Variants in ESCO1 observed in about 807,000 individuals in gnomAD.
ESCO1 encodes N-acetyltransferase ESCO1.
ESCO1 carries 33 observed loss-of-function variants against 83.5 expected under a neutral mutation model. The observed-to-expected ratio is 0.40, with a 90% CI of 0.30 to 0.53. The LOEUF (loss-of-function observed/expected upper bound fraction) is 0.53, where lower values mean the gene tolerates loss of function less well. Ranked by LOEUF, ESCO1 falls within the 20% of genes least tolerant of loss-of-function variation. ESCO1 has a pLI of 0.63. For missense variants in ESCO1, 855 were observed against 968.0 expected (o/e 0.88, Z 1.55); for synonymous variants, 332 against 324.3 (o/e 1.02, Z -0.25).
At chr18:21,562,407 C>G (rs2146199667) in intron 7 of ESCO1, among the ~76,000 whole-genome samples, 1 of 151,352 alleles carries the variant, frequency 6.6e-6, no homozygotes, top group Admixed American at 6.6e-5. Flanking sequence ...ACCTGGGAAG[C>G]AGAGGTTGCA....
At position 21,529,432 on chromosome 18, in the gene ESCO1, C is replaced by G. The variant is rs2037738929; in HGVS notation, c.*911G>C. On this transcript the variant is annotated 3_prime_UTR_variant, in exon 12 of 12. Coordinates refer to ENST00000269214, the MANE Select transcript of ESCO1 (RefSeq NM_052911.3). ...GGCACTATGAAGGATAGACAAGTATCAAAATGAAGTCCAGTAATGAGGGCA... is the reference window on the plus strand; with the variant it reads ...GGCACTATGAAGGATAGACAAGTATGAAAATGAAGTCCAGTAATGAGGGCA... The G allele has an allele frequency of 6.6e-6, 1 of 152,224 alleles. No individual in the cohort carries two copies. Among genetic ancestry groups the G allele is most frequent in the Admixed American group, 6.6e-5 (1 of 15,262 alleles). The allele number at this position is 152,224 out of a possible 1,614,324, so 9.4% of individuals were successfully genotyped here.
At chr18:21,563,097 C>T (rs998346788) in intron 7 of ESCO1, among the ~76,000 whole-genome samples, 6 of 151,818 alleles carry the variant, frequency 4.0e-5, no homozygotes, top group Non-Finnish European at 8.8e-5. Context: ...TCTTGAACTC[C>T]CACCCTCAGG....
chr18:21,535,944 T>C, intron 10 of ESCO1, 98 bp downstream of exon 10: 1 of 1,442,288 alleles, frequency 6.9e-7, no homozygotes, highest in Non-Finnish European at 9.4e-7. Flanking sequence ...GATCTTTACA[T>C]GAAATGGAGA....
At chr18:21,549,622 T>C (rs1458959702) in intron 8 of ESCO1, among the ~76,000 whole-genome samples, 2 of 151,888 alleles carry the variant, frequency 1.3e-5, no homozygotes, top group East Asian at 3.9e-4. Flanking sequence ...ACCATGTTGG[T>C]CCGGTTGGTT....
intron 1 of ESCO1, among the ~76,000 whole-genome samples, chr18:21,595,396 G>A (rs1332982672): frequency 1.3e-5 from 2 of 148,384 alleles, no homozygotes; most frequent in African/African-American, 5.0e-5. Flanking sequence ...AGGGGCCGGC[G>A]CTGTGGTTCA....
At chr18:21,564,452 G>GTGATTT in intron 6 of ESCO1, 135 bp from the exon 7 acceptor site, 2 of 566,182 alleles carry the variant, frequency 3.5e-6, no homozygotes, top group Non-Finnish European at 6.0e-6. Flanking sequence ...GTGCAGTGGC[G>GTGATTT]CAATCTTGGC....
chr18:21,575,840 C>T (rs1598472076), intron 2 of ESCO1, 63 bp from the exon 3 acceptor site: 8 of 395,392 alleles, frequency 2.0e-5, no homozygotes, highest in African/African-American at 6.2e-5. Flanking sequence ...ATCATCCATT[C>T]GGCTCTCATC....
At position 21,573,732 on chromosome 18, in the gene ESCO1, G is replaced by C; in HGVS notation, c.1112C>G (p.Thr371Arg). The change falls in exon 4 of 12, where the codon ACA becomes AGA. Residue 371 changes from threonine to arginine, a missense_variant. This residue lies in a region of ESCO1 where 726 missense variants were observed against 699.5 expected (regional missense o/e 1.04). Coordinates refer to ENST00000269214, the MANE Select transcript of ESCO1 (RefSeq NM_052911.3). ...QCNRFFPSRKTKPVKCILNGI... is the reference protein window; with the variant it reads ...QCNRFFPSRKRKPVKCILNGI... ...ATTTAGTATACATTTCACAGGCTTT[G>C]TTTTTCTACTTGGGAAAAAACGATT... 1 of 1,614,020 alleles carries C rather than the reference G, an allele frequency of 6.2e-7. No individual in the cohort carries two copies. The highest frequency in any genetic ancestry group is 8.5e-7 in the Non-Finnish European group (1 of 1,179,966).
intron 8 of ESCO1, among the ~76,000 whole-genome samples, chr18:21,559,950 A>G (rs1885907843): frequency 6.6e-6 from 1 of 152,142 alleles, no homozygotes; most frequent in Non-Finnish European, 1.5e-5. Flanking sequence ...AAACCCTTCA[A>G]CCGAAGGTAA....
intron 1 of ESCO1, chr18:21,596,859 G>A (rs2038775283): frequency 6.6e-6 from 1 of 151,986 alleles, no homozygotes; most frequent in South Asian, 2.1e-4. Flanking sequence ...GTTACTCCTG[G>A]CTTCGCTTAA....
At chr18:21,538,552 C>A (rs751725576) in intron 9 of ESCO1, among the ~76,000 whole-genome samples, 2 of 152,034 alleles carry the variant, frequency 1.3e-5, no homozygotes, top group African/African-American at 4.8e-5. Context: ...ATTGTCCATT[C>A]GGATAAACAG....
chr18:21,594,573 G>A (rs1461624142), intron 1 of ESCO1, among the ~76,000 whole-genome samples: 1 of 152,036 alleles, frequency 6.6e-6, no homozygotes, highest in Non-Finnish European at 1.5e-5. Context: ...GCGTGGTGGT[G>A]GGCGCCTGTA....
In ESCO1 at chr18:21,532,978, C is replaced by G. The variant is rs150937386; in HGVS notation, c.2188-318G>C. Among the ~76,000 whole-genome samples, 85 of 152,208 alleles carry G rather than the reference C, an allele frequency of 5.6e-4. 1 individual carries two copies. The East Asian group carries it at 0.015, about 28-fold the overall frequency. The stretch of plus-strand genomic sequence containing the variant: ...TACCTTGCCATCATGAGGAGCCCCC[C>G]CAATAGGAACTGAACATTAGTTCTC... On this transcript the variant is annotated intron_variant, in intron 10 of 11. Transcript: ENST00000269214.
rs963949270 is a variant in ESCO1 at position 21,567,480 on chromosome 18, TAA to T, written c.1645+498_1645+499del. ...ACGACCGGCCCAAATAATGTGTTATTAAAAAAAAAAAAGTTCACAAGGTTCCA... is the reference window on the plus strand; with the variant it reads ...ACGACCGGCCCAAATAATGTGTTATTAAAAAAAAAAGTTCACAAGGTTCCA... On this transcript the variant is annotated intron_variant, in intron 5 of 11. Coordinates refer to ENST00000269214, the MANE Select transcript of ESCO1 (RefSeq NM_052911.3). Among the ~76,000 whole-genome samples, 11 of 144,558 alleles carry T rather than the reference TAA, an allele frequency of 7.6e-5. No individual in the cohort carries two copies. The East Asian group carries it at 2.2e-3, about 29-fold the overall frequency. 94.8% of individuals were successfully genotyped at this position (144,558 alleles called of 152,430 possible). A position where few individuals can be genotyped will look rare whatever the true frequency, so the allele number is the denominator to read the frequency against.
rs1368499543 is a variant in ESCO1 at position 21,574,042 on chromosome 18, T to G, written c.802A>C (p.Thr268Pro). 1.2e-6 allele frequency: 2 copies of G among 1,613,006 alleles called. No homozygotes were observed. Among genetic ancestry groups the G allele is most frequent in the African/African-American group, 1.3e-5 (1 of 75,022 alleles). ...KKNEMKKSVH[T>P]QVNTNTTLPK... ...AGTGTTGTGTTAGTATTCACTTGTG[T>G]ATGAACCGACTTCTTCATCTCATTC... The change falls in exon 4 of 12, where the codon ACA becomes CCA. Residue 268 changes from threonine to proline, a missense_variant. Physicochemically the swap from Thr to Pro is conservative, Grantham distance 38. Coordinates refer to ENST00000269214, the MANE Select transcript of ESCO1 (RefSeq NM_052911.3).
intron 6 of ESCO1, among the ~76,000 whole-genome samples, chr18:21,565,127 T>TA (rs914134254): frequency 6.6e-6 from 1 of 151,598 alleles, no homozygotes; most frequent in African/African-American, 2.4e-5. Context: ...TAATTTTCAG[T>TA]AAAAAAACAA....
chr18:21,542,343 T>TGG (rs1568093517), intron 8 of ESCO1, among the ~76,000 whole-genome samples: 1 of 152,116 alleles, frequency 6.6e-6, no homozygotes, highest in Non-Finnish European at 1.5e-5. Flanking sequence ...TGCACCACCA[T>TGG]GCCAAGCTAA....
At chr18:21,554,897 G>A (rs2038093127) in intron 8 of ESCO1, among the ~76,000 whole-genome samples, 2 of 151,786 alleles carry the variant, frequency 1.3e-5, no homozygotes, top group Non-Finnish European at 2.9e-5. Context: ...GACAGAGTGA[G>A]GCTCCGTCTC....
At chr18:21,561,380 G>C (rs1598463809) in intron 7 of ESCO1, among the ~76,000 whole-genome samples, 2 of 152,230 alleles carry the variant, frequency 1.3e-5, no homozygotes, top group South Asian at 2.1e-4. Context: ...GTCTCACTGT[G>C]TCACCCAGGC....
Sources: allele counts gnomAD v4.1 joint callset (sites outside exome capture counted in the v4.1 genomes callset), GRCh38; gene constraint gnomAD v4.1.1; regional missense constraint gnomAD v4.1.1; transcripts MANE v1.5; gene names NCBI Gene and HGNC (gene_info 2026-07-23, HGNC 2026-07-21).